The following CD55 variants were observed in gnomAD, a reference collection of about 807,000 sequenced individuals.
The protein encoded by CD55 is complement decay-accelerating factor.
CD55 carries 41 observed loss-of-function variants against 45.8 expected under a neutral mutation model. That is an observed-to-expected ratio of 0.90 (90% confidence interval 0.70 to 1.16). The LOEUF (loss-of-function observed/expected upper bound fraction) is 1.16. CD55 is among the 50% of genes most tolerant of loss of function. The pLI is 0.00. For synonymous variants in CD55, 181 were observed against 181.1 expected, an observed-to-expected ratio of 1.00 and a Z score of 0.01; for missense variants, 416 against 469.8, an observed-to-expected ratio of 0.89 and a Z score of 1.06.
rs2184476 is a variant in CD55 at position 207,331,324 on chromosome 1, G to T, written c.853+28G>T. On this transcript the variant is annotated intron_variant, in intron 6 of 9. Transcript: ENST00000367064. Reference sequence around the variant, plus strand: ...AATCACTTTGGATAGTTATATTTTTGCTTTATTCTTACCCTCAGGTCTATA... The same window carrying T: ...AATCACTTTGGATAGTTATATTTTTTCTTTATTCTTACCCTCAGGTCTATA... The T allele has an allele frequency of 8.4e-4, 1,334 of 1,590,394 alleles. 12 individuals carry two copies. The African/African-American group carries it at 0.015, about 18-fold the overall frequency.
chr1:207,355,048 A>C (rs1437819145), intron 9 of CD55, among the ~76,000 whole-genome samples: 2 of 152,220 alleles, frequency 1.3e-5, no homozygotes, highest in Non-Finnish European at 1.5e-5. Flanking sequence ...GATTTATTTC[A>C]TGGATAGTCT....
Position 207,325,696 on chromosome 1 carries a change from A to G in CD55, c.553A>G (p.Thr185Ala), listed in dbSNP as rs1057053700. ...DVPGGILFGA[T>A]ISFSCNTGYK... Reference sequence around the variant, plus strand: ...ACCAGGTGGCATATTATTTGGTGCAACCATCTCCTTCTCATGTAACACAGG... The same window carrying G: ...ACCAGGTGGCATATTATTTGGTGCAGCCATCTCCTTCTCATGTAACACAGG... Residue 185 changes from threonine to alanine, a missense_variant, in exon 4 of 10, where the codon ACC (threonine) becomes GCC (alanine). Physicochemically the swap from Thr to Ala is moderately conservative, Grantham distance 58. Around this residue, in one of 3 missense-constraint regions of CD55, gnomAD observed 111 missense variants for 163.4 expected, o/e 0.68. Coordinates refer to ENST00000367064, the MANE Select transcript of CD55 (RefSeq NM_000574.5). The G allele has an allele frequency of 1.2e-6, 2 of 1,608,714 alleles. No individual in the cohort carries two copies. Among genetic ancestry groups the G allele is most frequent in the Non-Finnish European group, 1.7e-6 (2 of 1,175,938 alleles).
At chr1:207,353,395 T>G (rs1353037839) in intron 9 of CD55, among the ~76,000 whole-genome samples, 2 of 152,118 alleles carry the variant, frequency 1.3e-5, no homozygotes, top group Non-Finnish European at 2.9e-5. Flanking sequence ...TAGAAAATAT[T>G]TTTTCTGTAT....
At chr1:207,343,832 T>G (rs1371678740) in intron 9 of CD55, among the ~76,000 whole-genome samples, 1 of 152,220 alleles carries the variant, frequency 6.6e-6, no homozygotes, top group Non-Finnish European at 1.5e-5. Context: ...TTTATATGTT[T>G]GGGTACTCCA....
chr1:207,355,831 C>T (rs190846570), intron 9 of CD55, among the ~76,000 whole-genome samples: 107 of 152,292 alleles, frequency 7.0e-4, no homozygotes, highest in Middle Eastern at 3.4e-3. Flanking sequence ...GAATGCTCAA[C>T]GATCAAAACA....
Position 207,322,530 on chromosome 1 carries a change from G to A in CD55, c.249G>A (p.Lys83=). 1 of 1,613,992 alleles carries A rather than the reference G, an allele frequency of 6.2e-7. No individual in the cohort carries two copies. Among genetic ancestry groups the A allele is most frequent in the South Asian group, 1.1e-5 (1 of 91,020 alleles). ...AGAAGGACTCAGTGATCTGCCTTAA[G>A]GGCAGTCAATGGTCAGATATTGAAG... ...PGEKDSVICL[K]GSQWSDIEEF... The change falls in exon 2 of 10, where the codon AAG becomes AAA. Residue 83 remains lysine (K), a synonymous_variant. Coordinates refer to ENST00000367064, the MANE Select transcript of CD55 (RefSeq NM_000574.5).
intron 9 of CD55, among the ~76,000 whole-genome samples, chr1:207,356,515 C>A (rs1656079359): frequency 6.6e-6 from 1 of 152,034 alleles, no homozygotes; most frequent in South Asian, 2.1e-4. Flanking sequence ...GCAAAGAAAT[C>A]TAGGAAAAAT....
In CD55 at chr1:207,342,996, A is replaced by G. The variant is rs150035459; in HGVS notation, c.1081+3579A>G. On this transcript the variant is annotated intron_variant, in intron 9 of 9. Transcript: ENST00000367064. ...AGTTTGTCAATGTATAGGTGTTTAT[A>G]ATAGTCTCTGATATTTTGTATTTCT... Among the ~76,000 whole-genome samples, 548 of 152,196 alleles carry G rather than the reference A, an allele frequency of 3.6e-3. 17 individuals carry two copies. The highest frequency in any genetic ancestry group is 0.035 in the Admixed American group (531 of 15,284).
intron 1 of CD55, 22 bp downstream of exon 1, chr1:207,321,887 G>C (rs764070431): frequency 1.3e-6 from 2 of 1,490,038 alleles, no homozygotes; most frequent in African/African-American, 1.4e-5. Flanking sequence ...CCCGGCGGCC[G>C]GGGAAGCCCC....
intron 6 of CD55, among the ~76,000 whole-genome samples, chr1:207,335,082 A>G (rs1213051363): frequency 1.3e-5 from 2 of 152,204 alleles, no homozygotes; most frequent in African/African-American, 4.8e-5. Context: ...GGCCAACTCA[A>G]CAGTAATATA....
intron 9 of CD55, among the ~76,000 whole-genome samples, chr1:207,355,322 GTT>G: frequency 1.0e-5 from 1 of 100,256 alleles, no homozygotes. Context: ...ACTGGGCAGG[GTT>G]GGTGGGGGTG....
chr1:207,337,496 T>C, intron 8 of CD55, 87 bp downstream of exon 8: 1 of 758,742 alleles, frequency 1.3e-6, no homozygotes, highest in Non-Finnish European at 2.3e-6. Context: ...CAGGATTAAA[T>C]GGTCTCTAAT....
At chr1:207,339,110 T>C (rs1196091606) in intron 8 of CD55, among the ~76,000 whole-genome samples, 1 of 152,214 alleles carries the variant, frequency 6.6e-6, no homozygotes, top group Non-Finnish European at 1.5e-5. Context: ...CCTCAAGTCC[T>C]ATAACCAAAT....
At chr1:207,332,785 T>C (rs776287167) in intron 6 of CD55, among the ~76,000 whole-genome samples, 28 of 152,192 alleles carry the variant, frequency 1.8e-4, no homozygotes, top group Non-Finnish European at 3.1e-4. Flanking sequence ...CAAAAAATTA[T>C]ATTTTTTAAG....
Position 207,337,353 on chromosome 1 carries a change from G to C in CD55, c.1004G>C (p.Arg335Thr), listed in dbSNP as rs1655229025. 1.2e-6 allele frequency: 2 copies of C among 1,611,064 alleles called. No individual in the cohort carries two copies. Among genetic ancestry groups the C allele is most frequent in the East Asian group, 2.2e-5 (1 of 44,854 alleles). ...AQATRSTPVS[R>T]TTKHFHETTP... ...GCAACACGGAGTACACCTGTTTCCA[G>C]GACAACCAAGCATTTTCATGAAACA... Residue 335 changes from arginine to threonine, a missense_variant, in exon 8 of 10, where the codon AGG (arginine) becomes ACG (threonine). Transcript: ENST00000367064.
chr1:207,359,504 T>A, intron 9 of CD55, 42 bp from the exon 10 acceptor site: 3 of 1,481,674 alleles, frequency 2.0e-6, no homozygotes, highest in Non-Finnish European at 9.0e-7. Context: ...AATAAAATCA[T>A]TTTGATTTTA....
At chr1:207,336,381 T>A (rs1655172553) in intron 6 of CD55, among the ~76,000 whole-genome samples, 1 of 152,148 alleles carries the variant, frequency 6.6e-6, no homozygotes, top group African/African-American at 2.4e-5. Flanking sequence ...GGAGACAAAA[T>A]AGAGATGTGC....
At chr1:207,355,026 T>G (rs1479516521) in intron 9 of CD55, among the ~76,000 whole-genome samples, 1 of 152,198 alleles carries the variant, frequency 6.6e-6, no homozygotes, top group Non-Finnish European at 1.5e-5. Context: ...CCCAAAATTT[T>G]TTAGGAGCTG....
chr1:207,329,081 C>T (rs964104649), intron 5 of CD55, among the ~76,000 whole-genome samples: 12 of 152,140 alleles, frequency 7.9e-5, no homozygotes, highest in Non-Finnish European at 1.8e-4. Context: ...CAGGATAGAC[C>T]ACCCTCAAGA....
Sources: allele counts gnomAD v4.1 joint callset (sites outside exome capture counted in the v4.1 genomes callset), GRCh38; gene constraint gnomAD v4.1.1; regional missense constraint gnomAD v4.1.1; transcripts MANE v1.5; gene names NCBI Gene and HGNC (gene_info 2026-07-23, HGNC 2026-07-21).